The following VCL variants were observed in gnomAD, a reference collection of about 807,000 sequenced individuals.
The protein encoded by VCL is epididymis luminal protein 114.
VCL carries 47 observed loss-of-function variants against 125.7 expected under a neutral mutation model. The ratio of observed to expected loss-of-function variants is 0.37; its 90% CI spans 0.30 to 0.48. The LOEUF is 0.48. Among genes scored for constraint, VCL ranks in the 20% least tolerant of loss-of-function variants. VCL has a pLI of 0.99. For missense variants in VCL, 1,069 were observed against 1,455.5 expected (o/e 0.73, Z 4.32); for synonymous variants, 458 against 514.6 (o/e 0.89, Z 1.49).
intron 6 of VCL, chr10:74,077,715 A>G (rs960930798): frequency 4.4e-6 from 2 of 455,828 alleles, no homozygotes; most frequent in African/African-American, 4.0e-5. Context: ...TCTTCTGGAA[A>G]GTGATGATTC....
intron 8 of VCL, among the ~76,000 whole-genome samples, chr10:74,084,808 C>A (rs1462993663): frequency 6.6e-6 from 1 of 150,526 alleles, no homozygotes; most frequent in African/African-American, 2.5e-5. Context: ...GACGGGGTTT[C>A]TCCATGTTGG....
At chr10:74,026,564 A>G (rs1270633007) in intron 1 of VCL, among the ~76,000 whole-genome samples, 2 of 152,246 alleles carry the variant, frequency 1.3e-5, no homozygotes, top group South Asian at 2.1e-4. Flanking sequence ...TGAAGGAGAA[A>G]ACTGAAATCA....
At chr10:74,072,929 T>C in intron 5 of VCL, 77 bp downstream of exon 5, 1 of 1,586,090 alleles carries the variant, frequency 6.3e-7, no homozygotes, top group Non-Finnish European at 8.6e-7. Flanking sequence ...CATTTTGTTT[T>C]CTTTTGTTTT....
intron 19 of VCL, 107 bp from the exon 20 acceptor site, chr10:74,114,077 G>C: frequency 7.6e-7 from 1 of 1,315,534 alleles, no homozygotes; most frequent in Admixed American, 1.9e-5. Flanking sequence ...CCCTTCCGGA[G>C]GGATGCTAAG....
chr10:74,012,213 A>T (rs1450241483), intron 1 of VCL, among the ~76,000 whole-genome samples: 2 of 152,166 alleles, frequency 1.3e-5, no homozygotes, highest in Admixed American at 6.5e-5. Context: ...TTTATCTACC[A>T]GGTGGATAAC....
chr10:74,053,613 T>C (rs1003863979), intron 2 of VCL, among the ~76,000 whole-genome samples: 1 of 152,084 alleles, frequency 6.6e-6, no homozygotes, highest in African/African-American at 2.4e-5. Context: ...AATCTTTCTT[T>C]TCTTTTTTCT....
intron 19 of VCL, among the ~76,000 whole-genome samples, chr10:74,113,698 A>G (rs888067020): frequency 2.0e-5 from 3 of 152,002 alleles, no homozygotes; most frequent in Admixed American, 2.0e-4. Context: ...GGGTGATTTC[A>G]GCATCTGGAA....
chr10:74,016,019 T>G (rs1457200987), intron 1 of VCL, among the ~76,000 whole-genome samples: 5 of 152,026 alleles, frequency 3.3e-5, no homozygotes, highest in Non-Finnish European at 5.9e-5. Flanking sequence ...TTGTAAATAA[T>G]GGGGTCTCCC....
At position 74,094,483 on chromosome 10, in the gene VCL, A is replaced by T. The variant is rs1255280632; in HGVS notation, c.1543+22A>T. On this transcript the variant is annotated intron_variant, in intron 11 of 21. Transcript: ENST00000211998. ...GTCGGTAAGGGCAGCAGTGCACTAT[A>T]ACCTCATTAAATTGGTCTCAGTGCA... The T allele has an allele frequency of 3.1e-6, 5 of 1,607,476 alleles. No homozygotes were observed. In the East Asian group the frequency reaches 1.1e-4, roughly 36 times the overall value.
intron 1 of VCL, among the ~76,000 whole-genome samples, chr10:74,012,257 G>T (rs949776014): frequency 3.3e-5 from 5 of 152,206 alleles, no homozygotes; most frequent in East Asian, 3.9e-4. Flanking sequence ...ATAGATAAGG[G>T]TATATGAATA....
rs1840885634 is a variant in VCL, at chr10:74,032,120, T to C, written c.169-10963T>C. On this transcript the variant is annotated intron_variant, in intron 1 of 21. Transcript: ENST00000211998. ...CGGGTGTGGTTGTATACACCTGTAC[T>C]TCCAGCTACTCAGGGGGCTGAGGTG... 2.1e-5 allele frequency among the ~76,000 whole-genome samples: 3 copies of C among 145,070 alleles called. No homozygotes were observed. The South Asian group carries it at 6.7e-4, about 32-fold the overall frequency.
At chr10:74,041,908 CACAA>C in intron 1 of VCL, among the ~76,000 whole-genome samples, 1 of 152,222 alleles carries the variant, frequency 6.6e-6, no homozygotes, top group Non-Finnish European at 1.5e-5. Flanking sequence ...ATTTCAAAAA[CACAA>C]ACAAAAAATA....
chr10:74,007,957 C>T (rs907205092), intron 1 of VCL, among the ~76,000 whole-genome samples: 39 of 152,042 alleles, frequency 2.6e-4, no homozygotes, highest in Admixed American at 2.2e-3. Flanking sequence ...CACCCACCAC[C>T]ATGGACGGCT....
intron 1 of VCL, among the ~76,000 whole-genome samples, chr10:74,031,458 A>T (rs917624140): frequency 6.6e-6 from 1 of 152,250 alleles, no homozygotes; most frequent in African/African-American, 2.4e-5. Context: ...AATTGACTCC[A>T]AATGGATCAC....
chr10:74,033,555 C>T (rs940889723), intron 1 of VCL, among the ~76,000 whole-genome samples: 1 of 152,146 alleles, frequency 6.6e-6, no homozygotes, highest in Non-Finnish European at 1.5e-5. Flanking sequence ...TTCTATTGAT[C>T]CCCCTGCCCC....
At chr10:74,068,350 A>G (rs943687767) in intron 2 of VCL, among the ~76,000 whole-genome samples, 4 of 148,992 alleles carry the variant, frequency 2.7e-5, no homozygotes, top group African/African-American at 7.5e-5. Flanking sequence ...CTTTTTTTGG[A>G]GTCTTGCTCT....
rs1005320277 is a variant in VCL at position 74,115,023 on chromosome 10, C to G, written c.3258+124C>G. ...TCGAGTATTCAGTATGTGGGATGCACTCAGACTGTCTCAGGAGGGGAAAGT... is the reference window on the plus strand; with the variant it reads ...TCGAGTATTCAGTATGTGGGATGCAGTCAGACTGTCTCAGGAGGGGAAAGT... On this transcript the variant is annotated intron_variant, in intron 21 of 21. Transcript: ENST00000211998. 6.5e-6 allele frequency: 6 copies of G among 928,488 alleles called. No homozygotes were observed. In the Admixed American group the frequency reaches 1.2e-4, roughly 19 times the overall value. The allele number at this position is 928,488 out of a possible 1,614,324, so 57.5% of individuals were successfully genotyped here. A position where few individuals can be genotyped will look rare whatever the true frequency, so the allele number is the denominator to read the frequency against.
chr10:74,022,076 G>A (rs571496828), intron 1 of VCL, among the ~76,000 whole-genome samples: 1 of 151,818 alleles, frequency 6.6e-6, no homozygotes, highest in South Asian at 2.1e-4. Context: ...AGCTCTTCAG[G>A]GCTATCACAT....
rs746660046 is a variant in VCL at position 74,100,976 on chromosome 10, A to C, written c.1901A>C (p.Glu634Ala). ...TTTGATGAGAGGGCAGCTAACTTTG[A>C]AAACCATTCAGGAAAGCTTGGTGCT... ...EVFDERAANF[E>A]NHSGKLGATA... is the part of the protein sequence containing the mutation. Residue 634 changes from glutamate to alanine, a missense_variant, in exon 14 of 22, where the codon GAA (glutamate) becomes GCA (alanine). This residue lies in a region of VCL where 760 missense variants were observed against 928.9 expected (regional missense o/e 0.82). Transcript: ENST00000211998. The C allele has an allele frequency of 6.2e-7, 1 of 1,614,058 alleles. No homozygotes were observed. Among genetic ancestry groups the C allele is most frequent in the South Asian group, 1.1e-5 (1 of 91,064 alleles).
Sources: gnomAD v4.1 joint callset for allele counts (sites outside exome capture counted in the v4.1 genomes callset) on GRCh38, gnomAD v4.1.1 for gene constraint, gnomAD v4.1.1 regional missense constraint, MANE v1.5 for transcripts, NCBI Gene and HGNC (gene_info 2026-07-23, HGNC 2026-07-21) for gene names.